SLC2A13: variants seen among roughly 807,000 people sequenced by gnomAD.
SLC2A13 encodes the protein solute carrier family 2 member 13, also known as proton myo-inositol cotransporter.
Under a neutral mutation model 64.4 loss-of-function variants are expected in SLC2A13, and 32 were observed. The ratio of observed to expected loss-of-function variants is 0.50; its 90% confidence interval spans 0.37 to 0.67. The LOEUF is 0.67. SLC2A13 is among the 30% of genes least tolerant of loss of function. SLC2A13 has a pLI of 0.00. For synonymous variants in SLC2A13, 338 were observed against 327.1 expected, an observed-to-expected ratio of 1.03 and a Z score of -0.36; for missense variants, 743 against 829.2, an observed-to-expected ratio of 0.90 and a Z score of 1.28.
At chr12:39,936,020 C>T (rs1218528552) in intron 4 of SLC2A13, among the ~76,000 whole-genome samples, 1 of 152,174 alleles carries the variant, frequency 6.6e-6, no homozygotes, top group Admixed American at 6.6e-5. Context: ...CAAAGATGGG[C>T]AAAAGCCACA....
At chr12:40,043,093 T>C (rs1948118087) in intron 2 of SLC2A13, among the ~76,000 whole-genome samples, 1 of 152,108 alleles carries the variant, frequency 6.6e-6, no homozygotes, top group African/African-American at 2.4e-5. Context: ...GATTGGGTAC[T>C]ACAAGCCATG....
At chr12:39,832,408 A>T (rs1477441659) in intron 6 of SLC2A13, among the ~76,000 whole-genome samples, 1 of 152,168 alleles carries the variant, frequency 6.6e-6, no homozygotes, top group Non-Finnish European at 1.5e-5. Context: ...GAAAATATGT[A>T]GTCCCTAGAA....
intron 1 of SLC2A13, among the ~76,000 whole-genome samples, chr12:40,074,562 T>C (rs936820687): frequency 8.5e-5 from 13 of 152,174 alleles, no homozygotes; most frequent in Non-Finnish European, 1.6e-4. Flanking sequence ...TACCCATCTG[T>C]CCTTGCAAGC....
intron 6 of SLC2A13, among the ~76,000 whole-genome samples, chr12:39,854,992 A>G (rs1943569367): frequency 6.6e-6 from 1 of 152,140 alleles, no homozygotes; most frequent in Non-Finnish European, 1.5e-5. Flanking sequence ...TTACATCTCT[A>G]TTTCATTAAC....
rs530584192 is a variant in SLC2A13, at chr12:39,920,057, C to A, written c.1034+31200G>T. Among the ~76,000 whole-genome samples the A allele has an allele frequency of 2.6e-5, 4 of 152,080 alleles. No individual in the cohort carries two copies. The East Asian group carries it at 7.7e-4, about 29-fold the overall frequency. On this transcript the variant is annotated intron_variant, in intron 4 of 9. Transcript: ENST00000280871. ...AGCAAACATCCTGGGTAGAAGTAATCCTGCCTGGCCTGTGCTCACCAAGGG... is the reference window on the plus strand; with the variant it reads ...AGCAAACATCCTGGGTAGAAGTAATACTGCCTGGCCTGTGCTCACCAAGGG...
rs775577082 is a variant in SLC2A13 at position 40,005,380 on chromosome 12, C to T, written c.925+22921G>A. Among the ~76,000 whole-genome samples, 146 of 152,158 alleles carry T rather than the reference C, an allele frequency of 9.6e-4. 1 individual carries two copies. The highest frequency in any genetic ancestry group is 6.2e-4 in the Non-Finnish European group (42 of 68,014). On this transcript the variant is annotated intron_variant, in intron 3 of 9. Coordinates refer to ENST00000280871, the MANE Select transcript of SLC2A13 (RefSeq NM_052885.4). Reference sequence around the variant, plus strand: ...GTATTAGTGCAGGCATCTGGAGGCTCCTAGTAATGCTTAATGATAGCTTAC... The same window carrying T: ...GTATTAGTGCAGGCATCTGGAGGCTTCTAGTAATGCTTAATGATAGCTTAC...
chr12:39,761,269 T>A (rs571531653), intron 9 of SLC2A13, among the ~76,000 whole-genome samples: 6 of 151,978 alleles, frequency 3.9e-5, no homozygotes, highest in African/African-American at 1.2e-4. Context: ...GCTTCTCAGC[T>A]CCTACTTAAG....
At chr12:39,922,389 C>G (rs1355304178) in intron 4 of SLC2A13, among the ~76,000 whole-genome samples, 2 of 152,108 alleles carry the variant, frequency 1.3e-5, no homozygotes, top group African/African-American at 4.8e-5. Flanking sequence ...CCACATCTGC[C>G]TAAAACAAAA....
At chr12:40,037,461 A>C (rs529749672) in intron 2 of SLC2A13, among the ~76,000 whole-genome samples, 25 of 151,894 alleles carry the variant, frequency 1.6e-4, no homozygotes, top group Non-Finnish European at 3.2e-4. Context: ...TCTACAAAAA[A>C]TACAAAAATT....
At chr12:40,085,338 T>C (rs1226871159) in intron 1 of SLC2A13, among the ~76,000 whole-genome samples, 1 of 152,236 alleles carries the variant, frequency 6.6e-6, no homozygotes, top group Non-Finnish European at 1.5e-5. Flanking sequence ...TTGAAGTAGT[T>C]GGTTGGTCAA....
chr12:40,028,971 GA>G (rs1947865699), intron 2 of SLC2A13, among the ~76,000 whole-genome samples: 1 of 151,970 alleles, frequency 6.6e-6, no homozygotes, highest in African/African-American at 2.4e-5. Context: ...TCTGACTTGT[GA>G]ATCATTAGTT....
chr12:39,790,638 G>A (rs1156984971), intron 7 of SLC2A13, among the ~76,000 whole-genome samples: 3 of 125,296 alleles, frequency 2.4e-5, no homozygotes, highest in Non-Finnish European at 4.9e-5. Context: ...ATTTGGGTTG[G>A]TTCCAAGTCT....
chr12:39,937,451 T>C (rs183372670), intron 4 of SLC2A13, among the ~76,000 whole-genome samples: 1 of 152,260 alleles, frequency 6.6e-6, no homozygotes, highest in East Asian at 1.9e-4. Flanking sequence ...TCAGATATAT[T>C]GGGGACAAGG....
At chr12:39,861,721 T>C (rs900340819) in intron 6 of SLC2A13, among the ~76,000 whole-genome samples, 1 of 152,220 alleles carries the variant, frequency 6.6e-6, no homozygotes, top group African/African-American at 2.4e-5. Context: ...ATTCAGATGA[T>C]ACTCATGCTA....
At chr12:40,082,640 C>T (rs889634199) in intron 1 of SLC2A13, among the ~76,000 whole-genome samples, 2 of 152,184 alleles carry the variant, frequency 1.3e-5, no homozygotes, top group African/African-American at 4.8e-5. Context: ...CTAAAGCCAC[C>T]TAGAGGAGTA....
chr12:39,861,157 A>C (rs1943749133), intron 6 of SLC2A13, among the ~76,000 whole-genome samples: 1 of 152,214 alleles, frequency 6.6e-6, no homozygotes, highest in Non-Finnish European at 1.5e-5. Context: ...TTAAGAGCTC[A>C]GTACAAACAT....
intron 7 of SLC2A13, among the ~76,000 whole-genome samples, chr12:39,817,004 T>C (rs1039886939): frequency 6.6e-6 from 1 of 152,186 alleles, no homozygotes; most frequent in African/African-American, 2.4e-5. Context: ...CATTCCCACT[T>C]TCAGGATACC....
rs117050026 is a variant in SLC2A13, at chr12:39,923,809, C to T, written c.1034+27448G>A. Among the ~76,000 whole-genome samples the T allele has an allele frequency of 1.9e-4, 29 of 151,838 alleles. No homozygotes were observed. In the East Asian group the frequency reaches 4.6e-3, roughly 24 times the overall value. ...GTAACAAAAGCTTACCAAACCTCAT[C>T]GCACCTCAACACCTATTCTGCCTCC... On this transcript the variant is annotated intron_variant, in intron 4 of 9. Coordinates refer to ENST00000280871, the MANE Select transcript of SLC2A13 (RefSeq NM_052885.4).
In SLC2A13 at chr12:39,976,110, C is replaced by T. The variant is rs112368084; in HGVS notation, c.926-24745G>A. 1.7e-3 allele frequency among the ~76,000 whole-genome samples: 252 copies of T among 152,338 alleles called. 1 individual carries two copies. The highest frequency in any genetic ancestry group is 5.3e-3 in the African/African-American group (219 of 41,578). ...GTCTTCTAATGGGGCTGAAAACAGA[C>T]AGCCCACCCTTAGATAAGCACCTGG... is the stretch of plus-strand genomic sequence containing the variant. On this transcript the variant is annotated intron_variant, in intron 3 of 9. Coordinates refer to ENST00000280871, the MANE Select transcript of SLC2A13 (RefSeq NM_052885.4).
Sources: allele counts gnomAD v4.1 joint callset (sites outside exome capture counted in the v4.1 genomes callset), GRCh38; gene constraint gnomAD v4.1.1; transcripts MANE v1.5; gene names NCBI Gene and HGNC (gene_info 2026-07-23, HGNC 2026-07-21).